The following PTPRT variants were observed in gnomAD, a reference collection of about 807,000 sequenced individuals.
The protein encoded by PTPRT is protein tyrosine phosphatase receptor type T, also known as receptor-type tyrosine-protein phosphatase T.
Under a neutral mutation model 176.8 loss-of-function variants are expected in PTPRT, and 56 were observed. The observed-to-expected ratio is 0.32, with a 90% CI of 0.26 to 0.40. The LOEUF (loss-of-function observed/expected upper bound fraction) is 0.40, where lower values mean the gene tolerates loss of function less well. PTPRT is among the 10% of genes least tolerant of loss of function. PTPRT has a pLI of 1.00. For missense variants in PTPRT, 1,540 were observed against 1,908.2 expected, an observed-to-expected ratio of 0.81 and a Z score of 3.60; for synonymous variants, 783 against 739.0, an observed-to-expected ratio of 1.06 and a Z score of -0.96.
chr20:42,641,566 T>G (rs1252820379), intron 7 of PTPRT, among the ~76,000 whole-genome samples: 1 of 152,032 alleles, frequency 6.6e-6, no homozygotes, highest in Non-Finnish European at 1.5e-5. Context: ...GAAAAGTCCC[T>G]CTAAGTCTGT....
chr20:42,972,676 C>CAAAA (rs33947245), intron 1 of PTPRT, among the ~76,000 whole-genome samples: 99 of 77,570 alleles, frequency 1.3e-3, no homozygotes, highest in African/African-American at 2.1e-3. Flanking sequence ...TCTCAAAAAG[C>CAAAA]AAAAAAAAAA....
intron 2 of PTPRT, among the ~76,000 whole-genome samples, chr20:42,820,188 T>C (rs576244312): frequency 6.6e-6 from 1 of 152,206 alleles, no homozygotes; most frequent in South Asian, 2.1e-4. Context: ...CCCTAGGAAA[T>C]GCAAAAGAAC....
chr20:42,676,711 G>GT (rs2075510350), intron 7 of PTPRT, among the ~76,000 whole-genome samples: 1 of 152,272 alleles, frequency 6.6e-6, no homozygotes, highest in South Asian at 2.1e-4. Flanking sequence ...TATATAAAAT[G>GT]TAAGTACTTA....
intron 21 of PTPRT, among the ~76,000 whole-genome samples, chr20:42,116,830 T>G (rs1987307728): frequency 6.6e-6 from 1 of 152,174 alleles, no homozygotes; most frequent in African/African-American, 2.4e-5. Context: ...AAGAGACTGC[T>G]TTCCTCCCCA....
At chr20:42,351,964 G>A (rs761640175) in intron 10 of PTPRT, 120 bp downstream of exon 10, 8 of 884,726 alleles carry the variant, frequency 9.0e-6, no homozygotes, top group Non-Finnish European at 1.4e-5. Flanking sequence ...CTAGGGACTG[G>A]ATCGTCCTAA....
chr20:42,420,433 A>C (rs953692485), intron 9 of PTPRT, among the ~76,000 whole-genome samples: 2 of 152,164 alleles, frequency 1.3e-5, no homozygotes, highest in Non-Finnish European at 2.9e-5. Context: ...TGCAAACAAA[A>C]TGCATGCTTG....
chr20:43,140,280 G>A (rs2013960576), intron 1 of PTPRT, among the ~76,000 whole-genome samples: 1 of 152,040 alleles, frequency 6.6e-6, no homozygotes. Flanking sequence ...TCACAGCATG[G>A]ACATTTGCCT....
intron 14 of PTPRT, among the ~76,000 whole-genome samples, chr20:42,247,162 T>A (rs1023543287): frequency 6.6e-6 from 1 of 152,206 alleles, no homozygotes; most frequent in Non-Finnish European, 1.5e-5. Flanking sequence ...GAACCTTAGC[T>A]CTTAAGCCAT....
At chr20:42,507,856 T>TC (rs2071875691) in intron 7 of PTPRT, among the ~76,000 whole-genome samples, 1 of 150,628 alleles carries the variant, frequency 6.6e-6, no homozygotes, top group Admixed American at 6.6e-5. Context: ...CACAGGACTT[T>TC]TTTTTTTTTT....
At chr20:43,106,686 AG>A (rs2012625002) in intron 1 of PTPRT, among the ~76,000 whole-genome samples, 2 of 123,430 alleles carry the variant, frequency 1.6e-5, no homozygotes, top group African/African-American at 3.0e-5. Context: ...AAAAAAAAAA[AG>A]GAATGAAGGA....
chr20:43,018,966 C>G (rs775316244), intron 1 of PTPRT, among the ~76,000 whole-genome samples: 16 of 152,202 alleles, frequency 1.1e-4, no homozygotes, highest in Non-Finnish European at 2.1e-4. Context: ...CTGATCCATT[C>G]ATTTCACTCT....
At chr20:42,116,457 A>G (rs1453015531) in intron 21 of PTPRT, among the ~76,000 whole-genome samples, 1 of 152,188 alleles carries the variant, frequency 6.6e-6, no homozygotes, top group African/African-American at 2.4e-5. Context: ...GTGGCCCAAG[A>G]AAGTGCTGAA....
intron 2 of PTPRT, among the ~76,000 whole-genome samples, chr20:42,810,633 T>A (rs900809362): frequency 6.6e-6 from 1 of 152,226 alleles, no homozygotes; most frequent in Non-Finnish European, 1.5e-5. Context: ...CCTTCATCTG[T>A]TCAAGTACAG....
chr20:42,520,961 A>C (rs1225920255), intron 7 of PTPRT, among the ~76,000 whole-genome samples: 1 of 151,820 alleles, frequency 6.6e-6, no homozygotes, highest in Non-Finnish European at 1.5e-5. Flanking sequence ...TCCACCCACC[A>C]ACCTACATAC....
Position 42,128,838 on chromosome 20 carries a change from G to A in PTPRT, c.2771-8C>T, listed in dbSNP as rs561028715. 2.1e-5 allele frequency: 33 copies of A among 1,600,738 alleles called. No homozygotes were observed. The South Asian group carries it at 3.4e-4, about 16-fold the overall frequency. ...TCACCCGGGAATGGTCGTCTGCAGA[G>A]AGAGCAGAAATCAAGGGGATGGTTG... is the stretch of plus-strand genomic sequence containing the variant. On this transcript the variant is annotated splice_polypyrimidine_tract_variant and splice_region_variant and intron_variant, in intron 18 of 30. Transcript: ENST00000373187.
intron 7 of PTPRT, among the ~76,000 whole-genome samples, chr20:42,556,870 G>A (rs1282788484): frequency 6.6e-6 from 1 of 152,170 alleles, no homozygotes; most frequent in Non-Finnish European, 1.5e-5. Context: ...CAATGTTCAT[G>A]AGGAAGCTGC....
chr20:42,070,139 C>T (rs1391132625), downstream of PTPRT, among the ~76,000 whole-genome samples: 5 of 151,958 alleles, frequency 3.3e-5, no homozygotes, highest in Admixed American at 6.6e-5. Context: ...TCCTTGCCAC[C>T]CCCAAACCCT....
intron 2 of PTPRT, among the ~76,000 whole-genome samples, chr20:42,822,479 A>T (rs1389031861): frequency 6.6e-6 from 1 of 152,234 alleles, no homozygotes; most frequent in Non-Finnish European, 1.5e-5. Context: ...ACCATTCAGG[A>T]CATAGGCATG....
chr20:42,538,416 T>C (rs1234053663), intron 7 of PTPRT, among the ~76,000 whole-genome samples: 1 of 152,176 alleles, frequency 6.6e-6, no homozygotes, highest in Non-Finnish European at 1.5e-5. Flanking sequence ...CTAAATCTCA[T>C]GTCCCCTGTT....
Sources: allele counts gnomAD v4.1 joint callset (sites outside exome capture counted in the v4.1 genomes callset), GRCh38; gene constraint gnomAD v4.1.1; transcripts MANE v1.5; gene names NCBI Gene and HGNC (gene_info 2026-07-23, HGNC 2026-07-21).